MRAP2: variants seen among roughly 807,000 people sequenced by gnomAD.
MRAP2 encodes the protein melanocortin-2 receptor accessory protein 2.
Under a neutral mutation model 17.4 loss-of-function variants are expected in MRAP2, and 20 were observed. The observed-to-expected ratio is 1.15, with a 90% confidence interval of 0.81 to 1.67. MRAP2 has a LOEUF of 1.67. Ranked by LOEUF, MRAP2 falls within the 40% of genes most tolerant of loss-of-function variation. The probability of loss-of-function intolerance (pLI) is 0.00; values close to 1 mark genes in which losing one functional copy is unlikely to be tolerated. For missense variants in MRAP2, 238 were observed against 240.0 expected, an observed-to-expected ratio of 0.99 and a Z score of 0.05; for synonymous variants, 96 against 88.4, an observed-to-expected ratio of 1.09 and a Z score of -0.48.
chr6:84,100,878 G>A, the MRAP2 span, among the ~76,000 whole-genome samples: 1 of 152,110 alleles, frequency 6.6e-6, no homozygotes, highest in Non-Finnish European at 1.5e-5. Flanking sequence ...CCTGTATTAA[G>A]AGAGACCTGC....
chr6:84,075,162 T>G (rs1174419164), intron 3 of MRAP2, among the ~76,000 whole-genome samples: 1 of 152,132 alleles, frequency 6.6e-6, no homozygotes, highest in Non-Finnish European at 1.5e-5. Context: ...AGAAAACACT[T>G]GGAGATCTCA....
At chr6:84,066,496 G>T (rs1205714040) in intron 3 of MRAP2, among the ~76,000 whole-genome samples, 1 of 152,048 alleles carries the variant, frequency 6.6e-6, no homozygotes, top group Non-Finnish European at 1.5e-5. Context: ...GGTGGACATT[G>T]TTTTTTCCAT....
Position 84,062,947 on chromosome 6 carries a change from T to A in MRAP2, c.182T>A (p.Phe61Tyr), listed in dbSNP as rs779593066. The A allele has an allele frequency of 6.2e-7, 1 of 1,614,226 alleles. No homozygotes were observed. The highest frequency in any genetic ancestry group is 1.1e-5 in the South Asian group (1 of 91,084). ...CTTGCAGTCTTCGTGATTTTTATGT[T>A]TTTTGTGCTGACCTTGCTGACCAAG... ...VGLAVFVIFM[F>Y]FVLTLLTKTG... Residue 61 changes from phenylalanine (F) to tyrosine (Y), a missense_variant, in exon 3 of 4, where the codon TTT becomes TAT. By Grantham distance (22) the Phe-to-Tyr change is conservative (BLOSUM62 3). Coordinates refer to ENST00000257776, the MANE Select transcript of MRAP2 (RefSeq NM_138409.4).
At chr6:84,035,300 G>T in intron 1 of MRAP2, 1 of 417,388 alleles carries the variant, frequency 2.4e-6, no homozygotes, top group Non-Finnish European at 3.2e-6. Flanking sequence ...CTTTTTAAAA[G>T]AGGGAAACAT....
chr6:84,143,519 A>G, the MRAP2 span, among the ~76,000 whole-genome samples: 2 of 151,990 alleles, frequency 1.3e-5, no homozygotes, highest in Non-Finnish European at 2.9e-5. Flanking sequence ...GTTTTCGTTA[A>G]GGGAAAAAAT....
At chr6:84,104,393 G>A in the MRAP2 span, among the ~76,000 whole-genome samples, 2 of 152,188 alleles carry the variant, frequency 1.3e-5, no homozygotes, top group Admixed American at 6.5e-5. Context: ...TAAAAATTCG[G>A]CTCCTCATTA....
the MRAP2 span, chr6:84,126,386 G>C: frequency 6.3e-7 from 1 of 1,589,630 alleles, no homozygotes; most frequent in Non-Finnish European, 8.5e-7. Context: ...ACCTGTTGAA[G>C]TTCCTGTTCT....
chr6:84,089,277 T>A lies in MRAP2; in HGVS notation c.414T>A (p.Leu138=). The change falls in exon 4 of 4, where the codon CTT becomes CTA. Residue 138 remains leucine, a synonymous_variant. Transcript: ENST00000257776. ...AAGCTTGTCACCAGACCACAGCCCT[T>A]GACAGTGACGTCCAACTCCAGGAAG... ...RAKACHQTTA[L]DSDVQLQEAI... 5 of 1,614,136 alleles carry A rather than the reference T, an allele frequency of 3.1e-6. No individual in the cohort carries two copies. Among genetic ancestry groups the A allele is most frequent in the Non-Finnish European group, 4.2e-6 (5 of 1,180,020 alleles).
the MRAP2 span, among the ~76,000 whole-genome samples, chr6:84,138,761 G>A: frequency 1.3e-5 from 2 of 152,166 alleles, no homozygotes; most frequent in Non-Finnish European, 2.9e-5. Context: ...CTTGCAAACA[G>A]GTACATATTC....
chr6:84,037,664 C>T lies in MRAP2; in HGVS notation c.-8+3781C>T, dbSNP rs905525597. ...CTGAGGCCCGGTGAGAATTTGAGTGCGGCGCAGGCAGGCTGGCAGTGCTGG... is the reference window on the plus strand; with the variant it reads ...CTGAGGCCCGGTGAGAATTTGAGTGTGGCGCAGGCAGGCTGGCAGTGCTGG... On this transcript the variant is annotated intron_variant, in intron 1 of 3. Coordinates refer to ENST00000257776, the MANE Select transcript of MRAP2 (RefSeq NM_138409.4). Among the ~76,000 whole-genome samples, 41 of 152,170 alleles carry T rather than the reference C, an allele frequency of 2.7e-4. 1 individual carries two copies. Among genetic ancestry groups the T allele is most frequent in the Admixed American group, 1.4e-3 (22 of 15,288 alleles).
the MRAP2 span, among the ~76,000 whole-genome samples, chr6:84,114,768 T>C: frequency 6.6e-6 from 1 of 152,180 alleles, no homozygotes; most frequent in Non-Finnish European, 1.5e-5. Flanking sequence ...TGCATGGACG[T>C]CCTTTCTGTT....
chr6:84,129,337 A>T, the MRAP2 span, among the ~76,000 whole-genome samples: 1 of 152,150 alleles, frequency 6.6e-6, no homozygotes, highest in Non-Finnish European at 1.5e-5. Flanking sequence ...ATTTCTCCGC[A>T]TCCTCTCCAG....
In MRAP2 at chr6:84,089,250, C is replaced by T; in HGVS notation, c.387C>T (p.Ala129=). 1 of 1,614,124 alleles carries T rather than the reference C, an allele frequency of 6.2e-7. No homozygotes were observed. The highest frequency in any genetic ancestry group is 8.5e-7 in the Non-Finnish European group (1 of 1,180,026). The change falls in exon 4 of 4, where the codon GCC becomes GCT. Residue 129 remains alanine (A), a synonymous_variant. Transcript: ENST00000257776. ...YINEVERLDR[A]KACHQTTALD... ...ATGAGGTGGAACGCTTGGACAGAGC[C>T]AAAGCTTGTCACCAGACCACAGCCC...
chr6:84,067,313 G>C (rs536028581), intron 3 of MRAP2, among the ~76,000 whole-genome samples: 1 of 152,118 alleles, frequency 6.6e-6, no homozygotes, highest in Non-Finnish European at 1.5e-5. Flanking sequence ...CCACAATTTT[G>C]CAATTGTGAA....
At chr6:84,118,218 G>A in the MRAP2 span, among the ~76,000 whole-genome samples, 1 of 150,746 alleles carries the variant, frequency 6.6e-6, no homozygotes, top group Non-Finnish European at 1.5e-5. Context: ...GATCAGTCCA[G>A]TGAGAAAAAA....
intron 3 of MRAP2, among the ~76,000 whole-genome samples, chr6:84,077,899 G>A (rs930878844): frequency 6.6e-6 from 1 of 152,180 alleles, no homozygotes; most frequent in Non-Finnish European, 1.5e-5. Flanking sequence ...TGTCTGTGCT[G>A]TCCAGTTAGA....
intron 2 of MRAP2, among the ~76,000 whole-genome samples, chr6:84,059,763 G>A (rs550791043): frequency 6.6e-6 from 1 of 152,298 alleles, no homozygotes; most frequent in African/African-American, 2.4e-5. Flanking sequence ...CTTGGCGGTG[G>A]TGGAAACTCG....
the MRAP2 span, among the ~76,000 whole-genome samples, chr6:84,135,782 G>C: frequency 1.3e-5 from 2 of 152,162 alleles, no homozygotes; most frequent in African/African-American, 4.8e-5. Flanking sequence ...AGAATCACTT[G>C]AATGAGGGAG....
the MRAP2 span, among the ~76,000 whole-genome samples, chr6:84,140,147 G>T: frequency 6.6e-6 from 1 of 152,184 alleles, no homozygotes; most frequent in African/African-American, 2.4e-5. Context: ...GGTGAACAGG[G>T]TGGGAACCCA....
Sources: gnomAD v4.1 joint callset for allele counts (sites outside exome capture counted in the v4.1 genomes callset) on GRCh38, gnomAD v4.1.1 for gene constraint, MANE v1.5 for transcripts, NCBI Gene and HGNC (gene_info 2026-07-23, HGNC 2026-07-21) for gene names.